AKAP19: variants seen among roughly 807,000 people sequenced by gnomAD.
The protein encoded by AKAP19 is small A-kinase anchoring protein.
the AKAP19 span, chr2:189,923,969 G>A: frequency 1.9e-6 from 3 of 1,606,280 alleles, no homozygotes; most frequent in Non-Finnish European, 2.6e-6. Context: ...GAGCAAACAA[G>A]CAGTAGAGAT....
chr2:189,949,508 G>A, the AKAP19 span, among the ~76,000 whole-genome samples: 129 of 144,014 alleles, frequency 9.0e-4, no homozygotes, highest in Non-Finnish European at 9.5e-4. Context: ...CTCAAAAAAA[G>A]AAAAAAAAAA....
the AKAP19 span, among the ~76,000 whole-genome samples, chr2:190,038,928 C>CT: frequency 2.0e-3 from 278 of 141,176 alleles, 8 homozygotes; most frequent in African/African-American, 7.4e-3. Flanking sequence ...TCTTCTTCTT[C>CT]TTCTTCTTCT....
chr2:190,108,625 G>T, the AKAP19 span, among the ~76,000 whole-genome samples: 1 of 152,126 alleles, frequency 6.6e-6, no homozygotes, highest in African/African-American at 2.4e-5. Flanking sequence ...GTATGAGAAG[G>T]TCTCAAATAA....
the AKAP19 span, among the ~76,000 whole-genome samples, chr2:190,022,766 ATT>A: frequency 2.0e-5 from 3 of 148,700 alleles, no homozygotes; most frequent in Non-Finnish European, 1.5e-5. Flanking sequence ...GTATTCTATA[ATT>A]TTTTTTTTTG....
At chr2:190,068,879 C>T in the AKAP19 span, among the ~76,000 whole-genome samples, 1 of 152,176 alleles carries the variant, frequency 6.6e-6, no homozygotes, top group East Asian at 1.9e-4. Context: ...AGTAGTTCTC[C>T]AGTGGAGCAC....
chr2:189,882,563 C>T, the AKAP19 span, among the ~76,000 whole-genome samples: 50 of 152,222 alleles, frequency 3.3e-4, no homozygotes, highest in Non-Finnish European at 5.9e-4. Context: ...CCTTGATCAG[C>T]CTTTCATTGA....
At chr2:190,181,612 G>A in the AKAP19 span, among the ~76,000 whole-genome samples, 3 of 152,184 alleles carry the variant, frequency 2.0e-5, no homozygotes, top group African/African-American at 7.2e-5. Flanking sequence ...GGTCAAAGAA[G>A]CAAAGCGGAA....
At chr2:189,885,837 T>A in the AKAP19 span, among the ~76,000 whole-genome samples, 1 of 152,162 alleles carries the variant, frequency 6.6e-6, no homozygotes, top group Non-Finnish European at 1.5e-5. Flanking sequence ...AGATGGAATT[T>A]GACTCTTGTC....
chr2:190,139,574 T>A, the AKAP19 span, among the ~76,000 whole-genome samples: 10 of 152,290 alleles, frequency 6.6e-5, no homozygotes, highest in South Asian at 2.1e-3. Context: ...AAACACATTG[T>A]TCTTTGCATG....
At chr2:189,927,266 C>T in the AKAP19 span, among the ~76,000 whole-genome samples, 1 of 152,132 alleles carries the variant, frequency 6.6e-6, no homozygotes, top group Non-Finnish European at 1.5e-5. Context: ...GTTCTATGCT[C>T]TTTCTTTTCT....
At chr2:189,999,571 G>C in the AKAP19 span, among the ~76,000 whole-genome samples, 1 of 152,128 alleles carries the variant, frequency 6.6e-6, no homozygotes, top group Admixed American at 6.5e-5. Context: ...TCAGCCTGAA[G>C]GGCTTTCTTT....
At chr2:190,063,790 A>G in the AKAP19 span, among the ~76,000 whole-genome samples, 3 of 152,114 alleles carry the variant, frequency 2.0e-5, no homozygotes, top group Non-Finnish European at 4.4e-5. Context: ...CTGGGAGCAG[A>G]GAATAGAGCT....
At chr2:189,910,535 G>T in the AKAP19 span, among the ~76,000 whole-genome samples, 2 of 151,340 alleles carry the variant, frequency 1.3e-5, no homozygotes, top group Non-Finnish European at 3.0e-5. Context: ...TAAGAATTTG[G>T]AATGTGTTCA....
chr2:189,995,001 T>G, the AKAP19 span, among the ~76,000 whole-genome samples: 1 of 152,246 alleles, frequency 6.6e-6, no homozygotes, highest in African/African-American at 2.4e-5. Context: ...GTAGTTGATA[T>G]AATTTTGATT....
At chr2:189,973,902 C>T in the AKAP19 span, among the ~76,000 whole-genome samples, 1 of 152,066 alleles carries the variant, frequency 6.6e-6, no homozygotes, top group Non-Finnish European at 1.5e-5. Flanking sequence ...AGCAGTCTAT[C>T]AATTTTGTTG....
the AKAP19 span, among the ~76,000 whole-genome samples, chr2:190,194,475 T>TACACAC: frequency 6.3e-5 from 8 of 126,818 alleles, no homozygotes; most frequent in Non-Finnish European, 1.3e-4. Flanking sequence ...GTATCCTGTG[T>TACACAC]ATACACACAC....
the AKAP19 span, among the ~76,000 whole-genome samples, chr2:189,945,659 G>A: frequency 6.6e-6 from 1 of 152,186 alleles, no homozygotes; most frequent in Non-Finnish European, 1.5e-5. Context: ...CATGAGTGAA[G>A]AAAATATGTG....
the AKAP19 span, among the ~76,000 whole-genome samples, chr2:189,888,615 C>T: frequency 1.3e-5 from 2 of 151,984 alleles, no homozygotes; most frequent in Non-Finnish European, 2.9e-5. Context: ...CTCTTATTTC[C>T]TTGAGCAGTG....
chr2:190,172,117 G>A, the AKAP19 span, among the ~76,000 whole-genome samples: 1 of 152,004 alleles, frequency 6.6e-6, no homozygotes, highest in African/African-American at 2.4e-5. Context: ...TATTCTATCT[G>A]CTCCATGCTC....
Sources: allele counts gnomAD v4.1 joint callset (sites outside exome capture counted in the v4.1 genomes callset), GRCh38; gene constraint gnomAD v4.1.1; transcripts MANE v1.5; gene names NCBI Gene and HGNC (gene_info 2026-07-23, HGNC 2026-07-21).